ANKRD17: variants seen among roughly 807,000 people sequenced by gnomAD.
The protein encoded by ANKRD17 is ankyrin repeat domain 17, also known as ankyrin repeat domain-containing protein 17.
In ANKRD17, 19 loss-of-function variants were observed where a neutral mutation model predicts 229.7. That is an observed-to-expected ratio of 0.08 (90% CI 0.06 to 0.12). The LOEUF is 0.12. Ranked by LOEUF, ANKRD17 falls within the 10% of genes least tolerant of loss-of-function variation. The pLI, the probability that ANKRD17 is intolerant of heterozygous loss-of-function variation, is 1.00. For missense variants in ANKRD17, 2,176 were observed against 3,176.8 expected, an observed-to-expected ratio of 0.68 and a Z score of 7.57; for synonymous variants, 1,112 against 1,146.1, an observed-to-expected ratio of 0.97 and a Z score of 0.60.
At chr4:73,143,207 C>T (rs1729822329) in intron 11 of ANKRD17, among the ~76,000 whole-genome samples, 1 of 152,142 alleles carries the variant, frequency 6.6e-6, no homozygotes, top group South Asian at 2.1e-4. Context: ...AGAATAGTAC[C>T]ATTTTTTTTC....
At chr4:73,179,726 A>C (rs1735294948) in intron 1 of ANKRD17, among the ~76,000 whole-genome samples, 1 of 151,234 alleles carries the variant, frequency 6.6e-6, no homozygotes, top group African/African-American at 2.4e-5. Flanking sequence ...TTGGCCTCCC[A>C]AAGGACGGGA....
At chr4:73,105,216 G>C (rs1236891293) in intron 24 of ANKRD17, among the ~76,000 whole-genome samples, 1 of 151,992 alleles carries the variant, frequency 6.6e-6, no homozygotes, top group Non-Finnish European at 1.5e-5. Context: ...AGCAAGTGTG[G>C]ATCAACAGAT....
chr4:73,155,614 A>G lies in ANKRD17; in HGVS notation c.1000+17T>C. On this transcript the variant is annotated intron_variant, in intron 5 of 33. Transcript: ENST00000358602. The stretch of plus-strand genomic sequence containing the variant: ...GATGTTACTATGTAGTAAAACTGAA[A>G]AAGAAATAGGCATGACCTGTTGAAG... 6.2e-7 allele frequency: 1 copy of G among 1,612,562 alleles called. No individual in the cohort carries two copies. Among genetic ancestry groups the G allele is most frequent in the Non-Finnish European group, 8.5e-7 (1 of 1,178,988 alleles).
At chr4:73,252,543 T>C (rs1321498744) in intron 1 of ANKRD17, among the ~76,000 whole-genome samples, 1 of 152,016 alleles carries the variant, frequency 6.6e-6, no homozygotes, top group Non-Finnish European at 1.5e-5. Flanking sequence ...CTAATGAAAA[T>C]CCTGCACATA....
intron 1 of ANKRD17, among the ~76,000 whole-genome samples, chr4:73,204,222 G>A (rs1042504812): frequency 6.6e-6 from 1 of 151,384 alleles, no homozygotes; most frequent in Admixed American, 6.6e-5. Flanking sequence ...TTAGCCAGGC[G>A]TGGTGGCGGG....
chr4:73,141,210 A>G (rs376170137), intron 14 of ANKRD17, among the ~76,000 whole-genome samples: 5 of 152,390 alleles, frequency 3.3e-5, no homozygotes, highest in African/African-American at 1.2e-4. Flanking sequence ...ACATTACTTA[A>G]GAACACACAT....
At chr4:73,174,142 A>AAGGAAGGAAGGAAGG (rs1560652585) in intron 2 of ANKRD17, among the ~76,000 whole-genome samples, 1 of 73,922 alleles carries the variant, frequency 1.4e-5, no homozygotes, top group Non-Finnish European at 3.4e-5. Context: ...AGGAAGGAAG[A>AAGGAAGGAAGGAAGG]AAACTACAGA....
intron 16 of ANKRD17, among the ~76,000 whole-genome samples, chr4:73,129,621 G>A (rs989237494): frequency 3.3e-5 from 5 of 152,062 alleles, no homozygotes; most frequent in Admixed American, 2.6e-4. Context: ...TGAGTTTGGG[G>A]CAGGAGGATC....
intron 33 of ANKRD17, 90 bp from the exon 34 acceptor site, chr4:73,076,380 T>C: frequency 2.0e-6 from 2 of 988,368 alleles, no homozygotes; most frequent in Non-Finnish European, 2.8e-6. Flanking sequence ...GAGGTACTCT[T>C]CAATTTGCAA....
chr4:73,085,203 G>A, intron 30 of ANKRD17, 46 bp downstream of exon 30: 1 of 1,571,782 alleles, frequency 6.4e-7, no homozygotes, highest in Non-Finnish European at 8.7e-7. Context: ...CTGTTTTTAA[G>A]AAAACATATG....
intron 18 of ANKRD17, 129 bp downstream of exon 18, chr4:73,124,784 A>T: frequency 8.6e-7 from 1 of 1,165,352 alleles, no homozygotes; most frequent in African/African-American, 1.5e-5. Flanking sequence ...TTGTTAATAG[A>T]TAATAGTTTC....
chr4:73,213,813 T>C (rs1376397249), intron 1 of ANKRD17, among the ~76,000 whole-genome samples: 1 of 152,194 alleles, frequency 6.6e-6, no homozygotes, highest in Non-Finnish European at 1.5e-5. Context: ...CTACATTATC[T>C]GAATTTTATT....
At chr4:73,118,078 G>A (rs1371589682) in intron 22 of ANKRD17, among the ~76,000 whole-genome samples, 4 of 151,990 alleles carry the variant, frequency 2.6e-5, no homozygotes, top group Non-Finnish European at 4.4e-5. Flanking sequence ...GTGCGGTGGT[G>A]CAATCTCAGC....
At chr4:73,086,608 GA>G (rs1261263779) in intron 29 of ANKRD17, among the ~76,000 whole-genome samples, 2 of 150,856 alleles carry the variant, frequency 1.3e-5, no homozygotes, top group East Asian at 3.9e-4. Flanking sequence ...TTTAATTTAG[GA>G]GACAGCTTTC....
intron 25 of ANKRD17, 111 bp downstream of exon 25, chr4:73,102,265 T>C (rs1412922504): frequency 3.4e-6 from 4 of 1,165,520 alleles, no homozygotes; most frequent in East Asian, 2.6e-5. Flanking sequence ...GCCTGGCCTA[T>C]GTTAAGGGGT....
chr4:73,136,297 C>T (rs1424008386), intron 15 of ANKRD17, among the ~76,000 whole-genome samples: 3 of 152,104 alleles, frequency 2.0e-5, no homozygotes, highest in African/African-American at 4.8e-5. Flanking sequence ...TTATCAACTA[C>T]ATCAGACAGA....
intron 1 of ANKRD17, among the ~76,000 whole-genome samples, chr4:73,183,921 T>C (rs1273412099): frequency 6.6e-6 from 1 of 152,232 alleles, no homozygotes; most frequent in Non-Finnish European, 1.5e-5. Flanking sequence ...ATTTCTAAGA[T>C]AATTAGAATT....
In ANKRD17 at chr4:73,078,819, A is replaced by G; in HGVS notation, c.7231T>C (p.Ser2411Pro). The change falls in exon 31 of 34, where the codon TCA becomes CCA. Residue 2411 changes from serine to proline, a missense_variant. Physicochemically the swap from Ser to Pro is moderately conservative, Grantham distance 74. Transcript: ENST00000358602. ...SPAPSSVPLG[S>P]EKPSNVSQDR... ...TGAGACACATTGCTGGGCTTTTCTG[A>G]CCCTAACGGTACTGATGATGGGGCA... is the stretch of plus-strand genomic sequence containing the variant. 6.2e-7 allele frequency: 1 copy of G among 1,614,128 alleles called. No homozygotes were observed. Among genetic ancestry groups the G allele is most frequent in the Non-Finnish European group, 8.5e-7 (1 of 1,180,012 alleles).
intron 1 of ANKRD17, among the ~76,000 whole-genome samples, chr4:73,199,738 C>T (rs947213591): frequency 6.2e-4 from 95 of 152,252 alleles, no homozygotes; most frequent in African/African-American, 2.1e-3. Context: ...GTCTTTCCAA[C>T]GACAACGAAA....
Sources: allele counts gnomAD v4.1 joint callset (sites outside exome capture counted in the v4.1 genomes callset), GRCh38; gene constraint gnomAD v4.1.1; transcripts MANE v1.5; gene names NCBI Gene and HGNC (gene_info 2026-07-23, HGNC 2026-07-21).